The following POLR3K variants were observed in gnomAD, a reference collection of about 807,000 sequenced individuals.
The protein encoded by POLR3K is DNA-directed RNA polymerase III subunit RPC10.
POLR3K carries 11 observed loss-of-function variants against 13.5 expected under a neutral mutation model. The observed-to-expected ratio is 0.81, with a 90% CI of 0.51 to 1.35. POLR3K has a LOEUF of 1.35. Among genes scored for constraint, POLR3K ranks in the 40% most tolerant of loss-of-function variants. The pLI is 0.00. For missense variants in POLR3K, 144 were observed against 145.3 expected (o/e 0.99, Z 0.05); for synonymous variants, 56 against 51.5 (o/e 1.09, Z -0.38).
In POLR3K at chr16:47,351, C is replaced by G; in HGVS notation, c.*79G>C. ...CACACTAGCAAAGACCCTCAGGACA[C>G]ACAACTCATACTGCCAGCTAAGCAT... On this transcript the variant is annotated 3_prime_UTR_variant, in exon 3 of 3. Transcript: ENST00000293860. 4 of 1,537,452 alleles carry G rather than the reference C, an allele frequency of 2.6e-6. No individual in the cohort carries two copies. Among genetic ancestry groups the G allele is most frequent in the Non-Finnish European group, 3.5e-6 (4 of 1,130,808 alleles).
At chr16:52,479 A>G (rs1279856388) in intron 1 of POLR3K, among the ~76,000 whole-genome samples, 1 of 70,568 alleles carries the variant, frequency 1.4e-5, no homozygotes, top group Non-Finnish European at 2.9e-5. Context: ...AAAAAAAAAA[A>G]AAAAAAAAGG....
At position 47,554 on chromosome 16, in the gene POLR3K, G is replaced by T; in HGVS notation, c.203C>A (p.Ser68Ter). 3 of 1,612,128 alleles carry T rather than the reference G, an allele frequency of 1.9e-6. No homozygotes were observed. Among genetic ancestry groups the T allele is most frequent in the East Asian group, 4.5e-5 (2 of 44,784 alleles). ...ACGAGGATGTTCGCATTTGGGACAC[G>T]ACTCTGGCAATGAGAAAAAAGAAGT... ...AWENVDSTAE[S>*]CPKCEHPRAY... The change falls in exon 3 of 3, where the codon TCG becomes TAG. Residue 68 changes from serine (S) to a stop codon, truncating the protein, a stop_gained. Transcript: ENST00000293860. LOFTEE classifies it high-confidence loss of function.
chr16:52,790 A>AT (rs1567150872), intron 1 of POLR3K, among the ~76,000 whole-genome samples: 4 of 26,194 alleles, frequency 1.5e-4, no homozygotes, highest in African/African-American at 5.1e-4. Flanking sequence ...AAAAAAAAAA[A>AT]AAAAACAATA....
In POLR3K at chr16:47,273, G is replaced by A; in HGVS notation, c.*157C>T. The stretch of plus-strand genomic sequence containing the variant: ...CTTCATCCACCCTGCCTGGCAGATA[G>A]GCCATATTTCCTGACCCCCTGGCTC... On this transcript the variant is annotated 3_prime_UTR_variant, in exon 3 of 3. Transcript: ENST00000293860. 1 of 901,620 alleles carries A rather than the reference G, an allele frequency of 1.1e-6. No homozygotes were observed. The highest frequency in any genetic ancestry group is 1.6e-6 in the Non-Finnish European group (1 of 635,620). The allele number at this position is 901,620 out of a possible 1,614,324, so 55.9% of individuals were successfully genotyped here.
intron 2 of POLR3K, among the ~76,000 whole-genome samples, chr16:50,179 G>A (rs943928329): frequency 2.6e-4 from 40 of 152,074 alleles, no homozygotes; most frequent in African/African-American, 9.2e-4. Context: ...GGCTGGTCTC[G>A]AACTCCTGAC....
intron 1 of POLR3K, chr16:52,953 T>C (rs1413112887): frequency 6.5e-6 from 1 of 153,848 alleles, no homozygotes; most frequent in Non-Finnish European, 1.4e-5. Context: ...AAGGTGGCGA[T>C]CTAGGGGAAG....
intron 2 of POLR3K, among the ~76,000 whole-genome samples, chr16:48,032 G>A (rs1206519336): frequency 6.7e-6 from 1 of 149,600 alleles, no homozygotes; most frequent in Non-Finnish European, 1.5e-5. Flanking sequence ...TGGGATTACA[G>A]TTGCCCGCCA....
intron 1 of POLR3K, among the ~76,000 whole-genome samples, chr16:52,727 C>T (rs1253776535): frequency 7.4e-6 from 1 of 135,766 alleles, no homozygotes; most frequent in Non-Finnish European, 1.5e-5. Context: ...GATCGCGCCA[C>T]TGCACTCCAG....
chr16:47,243 C>T lies in POLR3K; in HGVS notation c.*187G>A. The T allele has an allele frequency of 1.7e-6, 1 of 600,668 alleles. No individual in the cohort carries two copies. The highest frequency in any genetic ancestry group is 2.6e-6 in the Non-Finnish European group (1 of 382,186). The allele number at this position is 600,668 out of a possible 1,614,324, so 37.2% of individuals were successfully genotyped here. On this transcript the variant is annotated 3_prime_UTR_variant, in exon 3 of 3. Coordinates refer to ENST00000293860, the MANE Select transcript of POLR3K (RefSeq NM_016310.5). ...CCACACAGAAAAACTCCCAGACATT[C>T]ATGACTTCATCCACCCTGCCTGGCA...
At chr16:50,345 C>T (rs1400113926) in intron 2 of POLR3K, among the ~76,000 whole-genome samples, 1 of 152,074 alleles carries the variant, frequency 6.6e-6, no homozygotes, top group African/African-American at 2.4e-5. Flanking sequence ...TTACGTCTTC[C>T]CCTTTCCTCT....
chr16:52,773 A>T lies in POLR3K; in HGVS notation c.111+703T>A, dbSNP rs1210672833. ...AGAGCGGGACTCCGTCTCAAAAAAAAAAAAAAAAAAAAAAAAAAAAAACAA... is the reference window on the plus strand; with the variant it reads ...AGAGCGGGACTCCGTCTCAAAAAAATAAAAAAAAAAAAAAAAAAAAAACAA... On this transcript the variant is annotated intron_variant, in intron 1 of 2. Transcript: ENST00000293860. Among the ~76,000 whole-genome samples the T allele has an allele frequency of 5.9e-4, 39 of 65,906 alleles. 2 individuals carry two copies. Among genetic ancestry groups the T allele is most frequent in the South Asian group, 5.1e-3 (12 of 2,340 alleles). The allele number at this position is 65,906 out of a possible 152,430, so 43.2% of individuals were successfully genotyped here. A position where few individuals can be genotyped will look rare whatever the true frequency, so the allele number is the denominator to read the frequency against.
rs1226838286 is a variant in POLR3K, at chr16:53,512, G to T, written c.75C>A (p.Cys25Ter). 4 of 1,613,086 alleles carry T rather than the reference G, an allele frequency of 2.5e-6. No homozygotes were observed. The highest frequency in any genetic ancestry group is 3.4e-6 in the Non-Finnish European group (4 of 1,179,700). The stretch of plus-strand genomic sequence containing the variant: ...TGTTGTGCACGTAGGGGCACGTGTT[G>T]CAGGCGAAGCGGTGGCAGCGTTGTC... ...EEGQRCHRFA[C>*]NTCPYVHNIT... The change falls in exon 1 of 3, where the codon TGC becomes TGA. Residue 25 changes from cysteine (C) to a stop codon, truncating the protein, a stop_gained. Transcript: ENST00000293860. LOFTEE classifies it high-confidence loss of function.
At chr16:53,443 C>A in intron 1 of POLR3K, 33 bp downstream of exon 1, 5 of 1,425,874 alleles carry the variant, frequency 3.5e-6, no homozygotes, top group Non-Finnish European at 4.6e-6. Flanking sequence ...CTGCGAGAGT[C>A]GCCCGCGCCC....
chr16:48,532 C>G (rs1437441460), intron 2 of POLR3K, among the ~76,000 whole-genome samples: 3 of 152,164 alleles, frequency 2.0e-5, no homozygotes, highest in Admixed American at 2.0e-4. Flanking sequence ...GCATTAAGGG[C>G]CGGGCGCGGT....
intron 2 of POLR3K, 41 bp from the exon 3 acceptor site, chr16:47,598 A>T: frequency 6.2e-7 from 1 of 1,601,084 alleles, no homozygotes; most frequent in Non-Finnish European, 8.5e-7. Context: ...TTAAAAAAAG[A>T]TGCTACTCAT....
At chr16:52,783 A>C in intron 1 of POLR3K, among the ~76,000 whole-genome samples, 1 of 25,652 alleles carries the variant, frequency 3.9e-5, no homozygotes, top group Non-Finnish European at 9.3e-5. Context: ...AAAAAAAAAA[A>C]AAAAAAAAAA....
intron 2 of POLR3K, among the ~76,000 whole-genome samples, chr16:47,893 T>A (rs1374961717): frequency 1.4e-3 from 1 of 708 alleles, no homozygotes; most frequent in Non-Finnish European, 0.011. Flanking sequence ...CTATAATATC[T>A]TTTTTTTTTT....
Position 47,415 on chromosome 16 carries a change from T to C in POLR3K, c.*15A>G, listed in dbSNP as rs772288363. 1 of 1,610,862 alleles carries C rather than the reference T, an allele frequency of 6.2e-7. No homozygotes were observed. Among genetic ancestry groups the C allele is most frequent in the South Asian group, 1.1e-5 (1 of 90,974 alleles). On this transcript the variant is annotated 3_prime_UTR_variant, in exon 3 of 3. Coordinates refer to ENST00000293860, the MANE Select transcript of POLR3K (RefSeq NM_016310.5). ...CAAGGCAAGCACACACTAGGGCAGC[T>C]GGGCCATCCTGGCCCTAATCCCTCC...
intron 1 of POLR3K, chr16:51,879 G>A (rs1001860029): frequency 2.7e-6 from 1 of 375,886 alleles, no homozygotes; most frequent in Non-Finnish European, 5.0e-6. Flanking sequence ...AATTAGCCCG[G>A]CGTGTTGGCG....
Sources: allele counts gnomAD v4.1 joint callset (sites outside exome capture counted in the v4.1 genomes callset), GRCh38; gene constraint gnomAD v4.1.1; transcripts MANE v1.5; gene names NCBI Gene and HGNC (gene_info 2026-07-23, HGNC 2026-07-21).